Variants in FYN observed in about 807,000 individuals in gnomAD.
The protein encoded by FYN is tyrosine-protein kinase Fyn.
Under a neutral mutation model 70.2 loss-of-function variants are expected in FYN, and 10 were observed. That is an observed-to-expected ratio of 0.14 (90% CI 0.09 to 0.24). FYN has a LOEUF of 0.24. FYN is among the 10% of genes least tolerant of loss of function. FYN has a pLI of 1.00. For synonymous variants in FYN, 236 were observed against 248.6 expected (o/e 0.95, Z 0.48); for missense variants, 319 against 673.1 (o/e 0.47, Z 5.82).
chr6:111,743,504 C>T (rs772997444), intron 3 of FYN, among the ~76,000 whole-genome samples: 12 of 152,202 alleles, frequency 7.9e-5, no homozygotes, highest in African/African-American at 2.2e-4. Flanking sequence ...AGACAGCTCA[C>T]GTGATCAGTC....
At chr6:111,689,764 G>A (rs1799221307) in intron 12 of FYN, among the ~76,000 whole-genome samples, 2 of 152,176 alleles carry the variant, frequency 1.3e-5, no homozygotes, top group African/African-American at 4.8e-5. Flanking sequence ...AAGGCTATTT[G>A]TGGGGGTGGT....
At chr6:111,813,238 A>C (rs577472673) in intron 2 of FYN, among the ~76,000 whole-genome samples, 1 of 152,178 alleles carries the variant, frequency 6.6e-6, no homozygotes, top group Non-Finnish European at 1.5e-5. Context: ...TTTTTGAAAG[A>C]GTTCAAAGAA....
chr6:111,778,629 C>T (rs1424928706), intron 3 of FYN, among the ~76,000 whole-genome samples: 2 of 150,334 alleles, frequency 1.3e-5, no homozygotes, highest in Non-Finnish European at 3.0e-5. Context: ...AGTGAAGTGG[C>T]GTAGTCTTGG....
intron 13 of FYN, among the ~76,000 whole-genome samples, chr6:111,663,761 T>C (rs932571470): frequency 6.6e-5 from 10 of 152,124 alleles, no homozygotes; most frequent in Non-Finnish European, 1.2e-4. Context: ...CTTCCTCAGT[T>C]GCATGGGAGG....
rs1799728673 is a variant in FYN at position 111,699,418 on chromosome 6, G to A, written c.862+686C>T. The A allele has an allele frequency of 6.1e-6, 8 of 1,321,304 alleles. No homozygotes were observed. In the South Asian group the frequency reaches 1.1e-4, roughly 18 times the overall value. The allele number at this position is 1,321,304 out of a possible 1,614,324, so 81.8% of individuals were successfully genotyped here. ...GCCCGTCTAGTTATCCAGGTTAAGT[G>A]TCTTTGTCCCAACGGCTGTGTGTGC... is the stretch of plus-strand genomic sequence containing the variant. On this transcript the variant is annotated intron_variant, in intron 9 of 13. Coordinates refer to ENST00000354650, the MANE Select transcript of FYN (RefSeq NM_002037.5).
At chr6:111,713,234 G>A (rs945436203) in intron 5 of FYN, among the ~76,000 whole-genome samples, 1 of 152,156 alleles carries the variant, frequency 6.6e-6, no homozygotes, top group African/African-American at 2.4e-5. Context: ...TTCCAAGGAG[G>A]CAGTTTTCAG....
intron 2 of FYN, among the ~76,000 whole-genome samples, chr6:111,813,222 T>G: frequency 6.6e-6 from 1 of 152,192 alleles, no homozygotes; most frequent in East Asian, 1.9e-4. Flanking sequence ...ATCTGTAGTT[T>G]GGTGATTTTT....
intron 2 of FYN, among the ~76,000 whole-genome samples, chr6:111,799,146 C>T (rs1771905759): frequency 6.6e-6 from 1 of 152,128 alleles, no homozygotes; most frequent in South Asian, 2.1e-4. Context: ...TACAGTTTTT[C>T]CTCTCTCCCT....
At chr6:111,690,014 T>G (rs892793189) in intron 12 of FYN, among the ~76,000 whole-genome samples, 3 of 152,182 alleles carry the variant, frequency 2.0e-5, no homozygotes, top group Non-Finnish European at 2.9e-5. Flanking sequence ...TAAATCAACA[T>G]TAGTCGGCAC....
Position 111,717,435 on chromosome 6 carries a change from G to A in FYN, c.247+2370C>T, listed in dbSNP as rs576572440. On this transcript the variant is annotated intron_variant, in intron 4 of 13. Transcript: ENST00000354650. ...CTCTGCACTTCAGAGTGCCTGCTAT[G>A]ACCTACAGAAATGACAGGGAGCCCA... Among the ~76,000 whole-genome samples, 28 of 152,000 alleles carry A rather than the reference G, an allele frequency of 1.8e-4. 1 individual carries two copies. In the South Asian group the frequency reaches 4.8e-3, roughly 26 times the overall value.
intron 2 of FYN, among the ~76,000 whole-genome samples, chr6:111,817,609 T>C (rs1451164082): frequency 1.3e-5 from 2 of 152,198 alleles, no homozygotes; most frequent in African/African-American, 2.4e-5. Flanking sequence ...CAAACCCTCA[T>C]GGCCCAAGGA....
chr6:111,674,046 C>T (rs1798428634), intron 13 of FYN, among the ~76,000 whole-genome samples: 1 of 152,216 alleles, frequency 6.6e-6, no homozygotes, highest in Non-Finnish European at 1.5e-5. Context: ...GTGGAGAGAA[C>T]AGGTCCTGGC....
chr6:111,754,499 G>A (rs1205619548), intron 3 of FYN: 1 of 152,190 alleles, frequency 6.6e-6, no homozygotes, highest in Non-Finnish European at 1.5e-5. Flanking sequence ...AAGCAAGCCA[G>A]CATAATTTCT....
intron 7 of FYN, among the ~76,000 whole-genome samples, chr6:111,703,563 C>G (rs1294548767): frequency 1.3e-5 from 2 of 152,170 alleles, no homozygotes; most frequent in African/African-American, 2.4e-5. Flanking sequence ...GACCTGTCTC[C>G]TCTTGTGGGT....
intron 9 of FYN, among the ~76,000 whole-genome samples, chr6:111,699,170 T>C (rs1799715088): frequency 6.6e-6 from 1 of 152,184 alleles, no homozygotes; most frequent in South Asian, 2.1e-4. Context: ...CGTGGTTAAT[T>C]AGCTAGTAAG....
chr6:111,818,127 G>A lies in FYN; in HGVS notation c.-82+28462C>T, dbSNP rs943474939. 2.2e-4 allele frequency among the ~76,000 whole-genome samples: 33 copies of A among 152,170 alleles called. 1 individual carries two copies. Among genetic ancestry groups the A allele is most frequent in the African/African-American group, 7.5e-4 (31 of 41,440 alleles). Reference sequence around the variant, plus strand: ...TATCTCATGCCATGCCAATGCAAGGGTTCACCACGCTAAGAATAAGCTATA... The same window carrying A: ...TATCTCATGCCATGCCAATGCAAGGATTCACCACGCTAAGAATAAGCTATA... On this transcript the variant is annotated intron_variant, in intron 2 of 13. Coordinates refer to ENST00000354650, the MANE Select transcript of FYN (RefSeq NM_002037.5).
intron 12 of FYN, among the ~76,000 whole-genome samples, chr6:111,683,055 C>A (rs891896257): frequency 6.6e-6 from 1 of 152,218 alleles, no homozygotes; most frequent in African/African-American, 2.4e-5. Flanking sequence ...CACTGAGAAT[C>A]TTCTGAGGGT....
At chr6:111,869,122 C>T (rs1774196857) in intron 1 of FYN, among the ~76,000 whole-genome samples, 1 of 152,186 alleles carries the variant, frequency 6.6e-6, no homozygotes, top group Non-Finnish European at 1.5e-5. Flanking sequence ...ATTGCTCCAA[C>T]AATTTGGAAG....
At chr6:111,686,535 A>G (rs1448755032) in intron 12 of FYN, among the ~76,000 whole-genome samples, 3 of 152,166 alleles carry the variant, frequency 2.0e-5, no homozygotes, top group Non-Finnish European at 4.4e-5. Context: ...TTGGGAACAC[A>G]CTAGTCGGTG....
Sources: gnomAD v4.1 joint callset for allele counts (sites outside exome capture counted in the v4.1 genomes callset) on GRCh38, gnomAD v4.1.1 for gene constraint, MANE v1.5 for transcripts, NCBI Gene and HGNC (gene_info 2026-07-23, HGNC 2026-07-21) for gene names.